SEPTIN9: variants seen among roughly 807,000 people sequenced by gnomAD.
SEPTIN9 encodes the protein septin-9.
In SEPTIN9, 13 loss-of-function variants were observed where a neutral mutation model predicts 56.6. That is an observed-to-expected ratio of 0.23 (90% CI 0.15 to 0.37). SEPTIN9 has a LOEUF of 0.37. SEPTIN9 is among the 10% of genes least tolerant of loss of function. The pLI, the probability that SEPTIN9 is intolerant of heterozygous loss-of-function variation, is 1.00. For synonymous variants in SEPTIN9, 332 were observed against 334.1 expected, an observed-to-expected ratio of 0.99 and a Z score of 0.07; for missense variants, 650 against 823.1, an observed-to-expected ratio of 0.79 and a Z score of 2.57.
chr17:77,304,488 A>G (rs2032183947), intron 1 of SEPTIN9, among the ~76,000 whole-genome samples: 2 of 152,142 alleles, frequency 1.3e-5, no homozygotes, highest in African/African-American at 4.8e-5. Flanking sequence ...GGGGTATTTA[A>G]CCTGGATGGA....
intron 2 of SEPTIN9, among the ~76,000 whole-genome samples, chr17:77,360,915 C>CT (rs34718935): frequency 0.03 from 2,318 of 76,674 alleles, 67 homozygotes; most frequent in Middle Eastern, 0.042. Context: ...GTCTTTCATC[C>CT]TTTTTTTTTT....
chr17:77,482,586 G>T lies in SEPTIN9; in HGVS notation c.913+251G>T, dbSNP rs766322410. The T allele has an allele frequency of 2.3e-5, 16 of 682,386 alleles. No homozygotes were observed. In the South Asian group the frequency reaches 2.4e-4, roughly 10 times the overall value. 42.3% of individuals were successfully genotyped at this position (682,386 alleles called of 1,614,324 possible). ...CCTGAGATGACTTTGGGGAGCCCAG[G>T]CCGGCCTGGAGCAGGTCCTGATGAG... On this transcript the variant is annotated intron_variant, in intron 4 of 11. Coordinates refer to ENST00000427177, the MANE Select transcript of SEPTIN9 (RefSeq NM_001113491.2).
At chr17:77,484,644 TG>T (rs1165516684) in intron 4 of SEPTIN9, among the ~76,000 whole-genome samples, 10 of 147,266 alleles carry the variant, frequency 6.8e-5, no homozygotes, top group African/African-American at 1.3e-4. Context: ...GTGATTGTGA[TG>T]GGGGTGGTGG....
At chr17:77,493,736 CCTGTGTCT>C (rs1476677220) in intron 10 of SEPTIN9, among the ~76,000 whole-genome samples, 1 of 151,504 alleles carries the variant, frequency 6.6e-6, no homozygotes, top group Non-Finnish European at 1.5e-5. Context: ...GGCCTTCTTC[CCTGTGTCT>C]CTGTCCCGTC....
rs183551405 is a variant in SEPTIN9 at position 77,349,173 on chromosome 17, C to A, written c.76+41976C>A. 3.3e-3 allele frequency among the ~76,000 whole-genome samples: 502 copies of A among 152,222 alleles called. 5 individuals are homozygous for A. The highest frequency in any genetic ancestry group is 0.011 in the African/African-American group (473 of 41,524). ...ACAGTGCAATGGTGTGATTTCAAAA[C>A]TCCTGCCCAATCTCAACTCACCAAC... On this transcript the variant is annotated intron_variant, in intron 2 of 11. Coordinates refer to ENST00000427177, the MANE Select transcript of SEPTIN9 (RefSeq NM_001113491.2).
intron 3 of SEPTIN9, among the ~76,000 whole-genome samples, chr17:77,458,722 G>A (rs928250508): frequency 1.3e-5 from 2 of 152,170 alleles, no homozygotes; most frequent in Non-Finnish European, 2.9e-5. Flanking sequence ...AGTGGCGGGC[G>A]GGAAGTGGGG....
chr17:77,483,138 G>A (rs144375409), intron 4 of SEPTIN9: 1 of 153,698 alleles, frequency 6.5e-6, no homozygotes, highest in Non-Finnish European at 1.4e-5. Context: ...AGGTGAGCTT[G>A]CGGGGTTTCT....
chr17:77,473,421 T>TG (rs1324913783), intron 3 of SEPTIN9, among the ~76,000 whole-genome samples: 4 of 152,202 alleles, frequency 2.6e-5, no homozygotes, highest in Admixed American at 1.3e-4. Flanking sequence ...TTTATAGGGA[T>TG]GGGGTCTCGC....
chr17:77,463,625 C>CT lies in SEPTIN9; in HGVS notation c.722-18518dup, dbSNP rs1368048408. Among the ~76,000 whole-genome samples, 7 of 152,136 alleles carry CT rather than the reference C, an allele frequency of 4.6e-5. No homozygotes were observed. The East Asian group carries it at 1.4e-3, about 29-fold the overall frequency. On this transcript the variant is annotated intron_variant, in intron 3 of 11. Transcript: ENST00000427177. ...GGGAAAGCTGAGGCAGGCTGATCAC[C>CT]TGAGGCCAGGAGTTGGAGACCAGCC...
chr17:77,334,421 CAAAAAAAA>C (rs34122443), intron 2 of SEPTIN9, among the ~76,000 whole-genome samples: 2 of 92,264 alleles, frequency 2.2e-5, no homozygotes, highest in Non-Finnish European at 4.4e-5. Flanking sequence ...GACTCTGTCT[CAAAAAAAA>C]AAAAAAAAAA....
intron 2 of SEPTIN9, among the ~76,000 whole-genome samples, chr17:77,364,187 C>T (rs993490002): frequency 6.6e-6 from 1 of 152,186 alleles, no homozygotes; most frequent in Non-Finnish European, 1.5e-5. Flanking sequence ...GCCCAGCCAG[C>T]GCACCCCGCG....
Position 77,498,669 on chromosome 17 carries a change from GCCCAC to G in SEPTIN9, c.*15_*19del. The G allele has an allele frequency of 6.5e-7, 1 of 1,550,294 alleles. No individual in the cohort carries two copies. Among genetic ancestry groups the G allele is most frequent in the Non-Finnish European group, 8.7e-7 (1 of 1,149,426 alleles). On this transcript the variant is annotated 3_prime_UTR_variant, in exon 12 of 12. Coordinates refer to ENST00000427177, the MANE Select transcript of SEPTIN9 (RefSeq NM_001113491.2). ...GCCCCGGAGATGTAGACGCCACCCT[GCCCAC>G]CCCCGGGATCCTGCCCCCAAGTCAT...
intron 1 of SEPTIN9, among the ~76,000 whole-genome samples, chr17:77,306,901 G>A (rs2032288273): frequency 6.6e-6 from 1 of 152,146 alleles, no homozygotes; most frequent in African/African-American, 2.4e-5. Flanking sequence ...GGGCTTGGGG[G>A]AGGATGTGTG....
chr17:77,402,759 G>T lies in SEPTIN9; in HGVS notation c.721+56G>T, dbSNP rs772247891. The T allele has an allele frequency of 6.7e-7, 1 of 1,495,388 alleles. No homozygotes were observed. 92.6% of individuals were successfully genotyped at this position (1,495,388 alleles called of 1,614,324 possible). On this transcript the variant is annotated intron_variant, in intron 3 of 11. Transcript: ENST00000427177. The surrounding 1 kb of genome is among the most constrained non-coding windows in gnomAD (Gnocchi z 6.6). ...TGTGGTAATGGGGGGCCTGGTTGCTGGCTTTGCCACAGAATCTTGGAGGAA... is the reference window on the plus strand; with the variant it reads ...TGTGGTAATGGGGGGCCTGGTTGCTTGCTTTGCCACAGAATCTTGGAGGAA...
chr17:77,419,579 C>T (rs2036623985), intron 3 of SEPTIN9, among the ~76,000 whole-genome samples: 1 of 152,184 alleles, frequency 6.6e-6, no homozygotes, highest in African/African-American at 2.4e-5. Context: ...TGTTGCCCAG[C>T]CTAGGAGGAA....
intron 10 of SEPTIN9, among the ~76,000 whole-genome samples, chr17:77,495,958 C>T (rs937342441): frequency 1.3e-5 from 2 of 152,196 alleles, no homozygotes; most frequent in Admixed American, 6.5e-5. Context: ...CAGCCTTATG[C>T]ACTGTGGAGC....
At chr17:77,380,879 T>G (rs1421145256) in intron 2 of SEPTIN9, among the ~76,000 whole-genome samples, 1 of 152,164 alleles carries the variant, frequency 6.6e-6, no homozygotes, top group African/African-American at 2.4e-5. Flanking sequence ...CTGGGTGTTA[T>G]GTAGACTCTG....
At position 77,368,468 on chromosome 17, in the gene SEPTIN9, C is replaced by T. The variant is rs371071006; in HGVS notation, c.77-33591C>T. Among the ~76,000 whole-genome samples the T allele has an allele frequency of 3.2e-4, 48 of 152,234 alleles. 1 individual carries two copies. The South Asian group carries it at 8.9e-3, about 28-fold the overall frequency. On this transcript the variant is annotated intron_variant, in intron 2 of 11. Transcript: ENST00000427177. ...CTGGGATTATAGGCGTTTGCCACCA[C>T]GCCCGGCTGATTTTTGTATTTTTAG...
intron 4 of SEPTIN9, chr17:77,483,757 T>C (rs1431293827): frequency 6.6e-6 from 1 of 152,254 alleles, no homozygotes; most frequent in African/African-American, 2.4e-5. Flanking sequence ...CTGGGAATGG[T>C]GCGCAGGAGG....
Sources: gnomAD v4.1 joint callset for allele counts (sites outside exome capture counted in the v4.1 genomes callset) on GRCh38, gnomAD v4.1.1 for gene constraint, Gnocchi (gnomAD v3.1) non-coding constraint, MANE v1.5 for transcripts, NCBI Gene and HGNC (gene_info 2026-07-23, HGNC 2026-07-21) for gene names.